Variants in MYO3B observed in about 807,000 individuals in gnomAD.
MYO3B encodes the protein myosin IIIB, also known as myosin-IIIb.
Under a neutral mutation model 174.6 loss-of-function variants are expected in MYO3B, and 156 were observed. The ratio of observed to expected loss-of-function variants is 0.89; its 90% CI spans 0.78 to 1.02. The LOEUF (loss-of-function observed/expected upper bound fraction) is 1.02. MYO3B is among the 50% of genes least tolerant of loss of function. The probability of loss-of-function intolerance (pLI) is 0.00; values close to 1 mark genes in which losing one functional copy is unlikely to be tolerated. For synonymous variants in MYO3B, 563 were observed against 569.1 expected (o/e 0.99, Z 0.15); for missense variants, 1,632 against 1,639.4 (o/e 1.00, Z 0.08).
intron 22 of MYO3B, among the ~76,000 whole-genome samples, chr2:170,415,170 C>G (rs1199626892): frequency 6.6e-6 from 1 of 152,156 alleles, no homozygotes; most frequent in African/African-American, 2.4e-5. Flanking sequence ...GAGGTGAAAA[C>G]CTTCTGTCTT....
intron 8 of MYO3B, chr2:170,337,836 G>A (rs1412113025): frequency 2.6e-5 from 4 of 152,214 alleles, no homozygotes; most frequent in African/African-American, 4.8e-5. Flanking sequence ...ATAAGGAAGA[G>A]AAACGTGCTT....
intron 30 of MYO3B, among the ~76,000 whole-genome samples, chr2:170,526,761 A>G: frequency 6.6e-6 from 1 of 152,208 alleles, no homozygotes; most frequent in East Asian, 1.9e-4. Flanking sequence ...AGCTTCAAGG[A>G]GAAATCTGTT....
chr2:170,432,726 G>A (rs1422972934), intron 22 of MYO3B, among the ~76,000 whole-genome samples: 2 of 151,954 alleles, frequency 1.3e-5, no homozygotes, highest in Non-Finnish European at 2.9e-5. Flanking sequence ...ACAGGCGCCT[G>A]CCACCATGCC....
At chr2:170,618,409 G>C (rs1309795690) in intron 32 of MYO3B, among the ~76,000 whole-genome samples, 1 of 152,312 alleles carries the variant, frequency 6.6e-6, no homozygotes, top group Middle Eastern at 3.4e-3. Context: ...CAGGATGGCT[G>C]TCTGGATTGT....
intron 25 of MYO3B, among the ~76,000 whole-genome samples, chr2:170,480,615 T>C (rs1685629857): frequency 6.6e-6 from 1 of 152,206 alleles, no homozygotes; most frequent in South Asian, 2.1e-4. Flanking sequence ...AGGCCCAGAC[T>C]TGTGACTGGC....
At chr2:170,627,498 T>A (rs1470084344) in intron 32 of MYO3B, among the ~76,000 whole-genome samples, 2 of 151,864 alleles carry the variant, frequency 1.3e-5, no homozygotes, top group African/African-American at 4.8e-5. Flanking sequence ...GGGTTCGAAC[T>A]TCCTCCTTTA....
At chr2:170,258,655 A>G (rs2093322920) in intron 7 of MYO3B, among the ~76,000 whole-genome samples, 1 of 152,182 alleles carries the variant, frequency 6.6e-6, no homozygotes. Context: ...GAACAAGACA[A>G]TGATGCCCAC....
intron 22 of MYO3B, among the ~76,000 whole-genome samples, chr2:170,410,082 C>G (rs1236801817): frequency 6.6e-6 from 1 of 152,200 alleles, no homozygotes; most frequent in Non-Finnish European, 1.5e-5. Context: ...CCACACTATC[C>G]TGGCACTTTG....
intron 32 of MYO3B, among the ~76,000 whole-genome samples, chr2:170,628,043 G>A (rs1354202768): frequency 6.6e-6 from 1 of 152,198 alleles, no homozygotes; most frequent in Non-Finnish European, 1.5e-5. Flanking sequence ...CTCAAACTCT[G>A]TGCTGGGAGA....
At chr2:170,408,553 T>G (rs201915125) in intron 22 of MYO3B, 1 of 152,238 alleles carries the variant, frequency 6.6e-6, no homozygotes, top group African/African-American at 2.4e-5. Flanking sequence ...AACTCAGCCT[T>G]CTCACAGCTC....
At chr2:170,248,418 C>T (rs1331798566) in intron 7 of MYO3B, among the ~76,000 whole-genome samples, 2 of 152,214 alleles carry the variant, frequency 1.3e-5, no homozygotes, top group Non-Finnish European at 2.9e-5. Flanking sequence ...TTTTAAGAAA[C>T]TGCAGTAAAA....
At chr2:170,286,824 A>G (rs2093560229) in intron 7 of MYO3B, among the ~76,000 whole-genome samples, 1 of 152,060 alleles carries the variant, frequency 6.6e-6, no homozygotes, top group Non-Finnish European at 1.5e-5. Flanking sequence ...TTTTAAGTAT[A>G]GAGTTCAGTG....
intron 22 of MYO3B, among the ~76,000 whole-genome samples, chr2:170,442,179 A>T (rs149432737): frequency 9.8e-5 from 15 of 152,308 alleles, no homozygotes; most frequent in Non-Finnish European, 2.2e-4. Context: ...ATTTATGCTT[A>T]CTTTATAATA....
At chr2:170,271,949 T>G (rs1262198419) in intron 7 of MYO3B, among the ~76,000 whole-genome samples, 1 of 152,102 alleles carries the variant, frequency 6.6e-6, no homozygotes, top group Admixed American at 6.6e-5. Context: ...TATAATAATG[T>G]GAAAATAGCT....
chr2:170,258,300 C>A (rs1012776777), intron 7 of MYO3B, among the ~76,000 whole-genome samples: 2 of 152,062 alleles, frequency 1.3e-5, no homozygotes, highest in Non-Finnish European at 2.9e-5. Flanking sequence ...AATATAGATA[C>A]AAAAATCCTC....
intron 30 of MYO3B, among the ~76,000 whole-genome samples, chr2:170,540,795 C>A (rs754361426): frequency 2.6e-5 from 4 of 152,096 alleles, no homozygotes; most frequent in East Asian, 1.9e-4. Context: ...ATCAGTAGTG[C>A]CTCAACATGG....
At chr2:170,649,267 ATT>A (rs1698763612) in intron 32 of MYO3B, among the ~76,000 whole-genome samples, 3 of 75,338 alleles carry the variant, frequency 4.0e-5, no homozygotes, top group Admixed American at 2.4e-4. Context: ...TATATAATAT[ATT>A]ATATATAAAA....
At chr2:170,201,408 G>A (rs1450759458) in intron 3 of MYO3B, among the ~76,000 whole-genome samples, 1 of 152,176 alleles carries the variant, frequency 6.6e-6, no homozygotes, top group Non-Finnish European at 1.5e-5. Context: ...AGAAGCACCA[G>A]GGGAGAAACC....
chr2:170,454,643 C>G (rs1434489776), intron 23 of MYO3B, among the ~76,000 whole-genome samples: 1 of 152,184 alleles, frequency 6.6e-6, no homozygotes, highest in East Asian at 1.9e-4. Flanking sequence ...GAACCACGGG[C>G]AGGTAGCCAC....
Sources: gnomAD v4.1 joint callset for allele counts (sites outside exome capture counted in the v4.1 genomes callset) on GRCh38, gnomAD v4.1.1 for gene constraint, MANE v1.5 for transcripts, NCBI Gene and HGNC (gene_info 2026-07-23, HGNC 2026-07-21) for gene names.